LIMA1: variants seen among roughly 807,000 people sequenced by gnomAD.
LIMA1 encodes LIM domain and actin binding 1, also known as LIM domain and actin-binding protein 1.
LIMA1 carries 52 observed loss-of-function variants against 62.6 expected under a neutral mutation model. The observed-to-expected ratio is 0.83, with a 90% CI of 0.67 to 1.05. LIMA1 has a LOEUF of 1.05. Among genes scored for constraint, LIMA1 ranks in the 50% least tolerant of loss-of-function variants. The pLI is 0.00. For synonymous variants in LIMA1, 302 were observed against 317.8 expected, an observed-to-expected ratio of 0.95 and a Z score of 0.53; for missense variants, 780 against 902.2, an observed-to-expected ratio of 0.86 and a Z score of 1.74.
intron 4 of LIMA1, among the ~76,000 whole-genome samples, chr12:50,211,882 C>A (rs1328366845): frequency 6.6e-6 from 1 of 152,136 alleles, no homozygotes; most frequent in Non-Finnish European, 1.5e-5. Context: ...TACTCAGACA[C>A]TTGAGGGAGC....
intron 2 of LIMA1, among the ~76,000 whole-genome samples, chr12:50,233,439 T>C (rs933752851): frequency 6.6e-6 from 1 of 152,256 alleles, no homozygotes; most frequent in Non-Finnish European, 1.5e-5. Context: ...GGTTGAGAGA[T>C]AGTCACATTG....
chr12:50,207,720 C>T (rs563705797), intron 4 of LIMA1, among the ~76,000 whole-genome samples: 53 of 152,036 alleles, frequency 3.5e-4, no homozygotes, highest in African/African-American at 1.2e-3. Context: ...GAGACCCTGT[C>T]TCTACTAAAA....
intron 2 of LIMA1, among the ~76,000 whole-genome samples, chr12:50,241,070 C>T (rs1941769911): frequency 6.6e-6 from 1 of 152,066 alleles, no homozygotes; most frequent in Admixed American, 6.6e-5. Context: ...CTTGACAATC[C>T]TCTCTCATTA....
intron 6 of LIMA1, among the ~76,000 whole-genome samples, chr12:50,203,980 A>G (rs1322511370): frequency 6.6e-6 from 1 of 152,210 alleles, no homozygotes; most frequent in Non-Finnish European, 1.5e-5. Flanking sequence ...AGGGTGATGG[A>G]AAGGTTCTGG....
intron 1 of LIMA1, among the ~76,000 whole-genome samples, chr12:50,266,583 A>C (rs1341602527): frequency 6.6e-6 from 1 of 152,204 alleles, no homozygotes; most frequent in Non-Finnish European, 1.5e-5. Context: ...ATAAGAATGG[A>C]ACAAACATGC....
intron 8 of LIMA1, among the ~76,000 whole-genome samples, chr12:50,193,506 T>TATATATA (rs1375389551): frequency 7.1e-6 from 1 of 141,074 alleles, no homozygotes; most frequent in Non-Finnish European, 1.5e-5. Flanking sequence ...ATCATATATG[T>TATATATA]GTATATATGA....
At chr12:50,203,020 T>C (rs907198407) in intron 6 of LIMA1, among the ~76,000 whole-genome samples, 9 of 150,238 alleles carry the variant, frequency 6.0e-5, no homozygotes, top group African/African-American at 2.0e-4. Flanking sequence ...TTTTTTTTTT[T>C]TTTTTTTGAG....
intron 4 of LIMA1, chr12:50,218,311 G>C (rs1941383480): frequency 6.6e-6 from 1 of 152,392 alleles, no homozygotes; most frequent in African/African-American, 2.4e-5. Context: ...GCCCTCTTTG[G>C]TGTGACCATT....
chr12:50,189,402 T>C (rs1257923617), intron 9 of LIMA1: 1 of 152,192 alleles, frequency 6.6e-6, no homozygotes, highest in African/African-American at 2.4e-5. Context: ...GCACGGCAGA[T>C]ATGAGCATGA....
rs1940377245 is a variant in LIMA1, at chr12:50,177,573, A to G, written c.1771T>C (p.Phe591Leu). 1 of 1,611,738 alleles carries G rather than the reference A, an allele frequency of 6.2e-7. No homozygotes were observed. Among genetic ancestry groups the G allele is most frequent in the Non-Finnish European group, 8.5e-7 (1 of 1,179,156 alleles). Residue 591 changes from phenylalanine to leucine, a missense_variant, in exon 11 of 11, where the codon TTC (phenylalanine) becomes CTC (leucine). Coordinates refer to ENST00000341247, the MANE Select transcript of LIMA1 (RefSeq NM_016357.5). ...SSSLKERSRP[F>L]TVAASFQSTS... Reference sequence around the variant, plus strand: ...CTTTGAAATGAAGCTGCTACAGTGAATGGGCGGCTTCTTTCCTTCAGTGAA... The same window carrying G: ...CTTTGAAATGAAGCTGCTACAGTGAGTGGGCGGCTTCTTTCCTTCAGTGAA...
intron 1 of LIMA1, among the ~76,000 whole-genome samples, chr12:50,267,984 T>C (rs1942159926): frequency 6.6e-6 from 1 of 152,320 alleles, no homozygotes; most frequent in East Asian, 1.9e-4. Flanking sequence ...CATTTATAAA[T>C]TGTTTATTAT....
At chr12:50,263,316 C>G (rs1565862732) in intron 1 of LIMA1, among the ~76,000 whole-genome samples, 1 of 152,128 alleles carries the variant, frequency 6.6e-6, no homozygotes, top group African/African-American at 2.4e-5. Flanking sequence ...TTTGAATCTG[C>G]CACTAATTAG....
chr12:50,196,061 A>G (rs972661141), intron 7 of LIMA1, 174 bp from the exon 8 acceptor site: 13 of 573,210 alleles, frequency 2.3e-5, no homozygotes, highest in Non-Finnish European at 3.2e-5. Context: ...AGGCAGCAAA[A>G]TGTCTTTTAT....
intron 4 of LIMA1, among the ~76,000 whole-genome samples, chr12:50,214,065 GTTA>G (rs1171674171): frequency 1.1e-5 from 1 of 90,988 alleles, no homozygotes; most frequent in Non-Finnish European, 2.3e-5. Flanking sequence ...ATTACTCAGA[GTTA>G]TTAAGAGTAA....
At chr12:50,188,148 T>G (rs1940672647) in intron 9 of LIMA1, 1 of 152,232 alleles carries the variant, frequency 6.6e-6, no homozygotes, top group Non-Finnish European at 1.5e-5. Flanking sequence ...TTGAAATGAA[T>G]TGAATCTCTA....
intron 4 of LIMA1, among the ~76,000 whole-genome samples, chr12:50,215,564 G>T (rs1288340629): frequency 6.6e-6 from 1 of 152,066 alleles, no homozygotes; most frequent in African/African-American, 2.4e-5. Flanking sequence ...CCGCCTCCCG[G>T]GTTCACGCCA....
At chr12:50,270,146 A>G (rs1334014617) in intron 1 of LIMA1, among the ~76,000 whole-genome samples, 3 of 148,284 alleles carry the variant, frequency 2.0e-5, no homozygotes, top group Non-Finnish European at 4.4e-5. Flanking sequence ...GAGGCAGGAG[A>G]ATCTCTTGAA....
Position 50,193,546 on chromosome 12 carries a change from C to CT in LIMA1, c.1031-986_1031-985insA, listed in dbSNP as rs1383635687. Among the ~76,000 whole-genome samples the CT allele has an allele frequency of 4.5e-5, 5 of 111,266 alleles. 1 individual carries two copies. Among genetic ancestry groups the CT allele is most frequent in the African/African-American group, 7.7e-5 (2 of 25,924 alleles). 73.0% of individuals were successfully genotyped at this position (111,266 alleles called of 152,430 possible). The stretch of plus-strand genomic sequence containing the variant: ...TATACACATATATGATATATATATA[C>CT]ATATATATCATATATGTATATATGA... On this transcript the variant is annotated intron_variant, in intron 8 of 10. Transcript: ENST00000341247.
intron 4 of LIMA1, chr12:50,220,442 A>G (rs948694755): frequency 5.3e-5 from 8 of 152,184 alleles, no homozygotes; most frequent in Non-Finnish European, 1.0e-4. Flanking sequence ...ATCTCACTAG[A>G]TATTTATGAG....
Sources: allele counts gnomAD v4.1 joint callset (sites outside exome capture counted in the v4.1 genomes callset), GRCh38; gene constraint gnomAD v4.1.1; transcripts MANE v1.5; gene names NCBI Gene and HGNC (gene_info 2026-07-23, HGNC 2026-07-21).